NLGN4X: variants seen among roughly 807,000 people sequenced by gnomAD.
NLGN4X encodes neuroligin 4 X-linked.
A neutral mutation model predicts 40.3 loss-of-function variants in NLGN4X; 3 were observed. The observed-to-expected ratio is 0.07, with a 90% CI of 0.03 to 0.19. The LOEUF (loss-of-function observed/expected upper bound fraction) is 0.19, where lower values mean the gene tolerates loss of function less well. Among genes scored for constraint, NLGN4X ranks in the 10% least tolerant of loss-of-function variants. The pLI is 1.00. For synonymous variants in NLGN4X, 270 were observed against 306.8 expected (o/e 0.88, Z 1.25); for missense variants, 382 against 708.3 (o/e 0.54, Z 5.23).
At chrX:5,962,884 T>C (rs377182109) in intron 3 of NLGN4X, among the ~76,000 whole-genome samples, 20 of 111,570 alleles carry the variant, frequency 1.8e-4, no homozygotes, top group African/African-American at 6.5e-4. Flanking sequence ...ATCTTGGGCT[T>C]CCAGCCTCCA....
intron 2 of NLGN4X, among the ~76,000 whole-genome samples, chrX:6,038,360 G>A (rs1389421877): frequency 1.8e-5 from 2 of 112,411 alleles, no homozygotes; most frequent in Non-Finnish European, 3.8e-5. Flanking sequence ...TACACAACCT[G>A]GACAACTCCT....
At chrX:5,951,294 G>A (rs182511819) in intron 3 of NLGN4X, among the ~76,000 whole-genome samples, 472 of 111,279 alleles carry the variant, frequency 4.2e-3, no homozygotes, top group Middle Eastern at 9.3e-3. Flanking sequence ...AATCCATAGC[G>A]GCCCTTTGAG....
chrX:6,175,655 GAAA>G (rs3045369), intron 1 of NLGN4X, among the ~76,000 whole-genome samples: 33 of 60,998 alleles, frequency 5.4e-4, no homozygotes, highest in African/African-American at 2.0e-3. Context: ...ATCTATTACA[GAAA>G]AAAAAAAAAA....
intron 2 of NLGN4X, among the ~76,000 whole-genome samples, chrX:6,085,486 T>A (rs1191547894): frequency 8.9e-6 from 1 of 111,857 alleles, no homozygotes; most frequent in Admixed American, 9.5e-5. Context: ...ATTCTTCAGA[T>A]TTTTTTGAGT....
intron 3 of NLGN4X, among the ~76,000 whole-genome samples, chrX:5,982,697 A>T (rs1286038637): frequency 9.0e-6 from 1 of 111,550 alleles, no homozygotes; most frequent in African/African-American, 3.3e-5. Context: ...TCTACAAAAA[A>T]TTTTTTAAAA....
chrX:6,078,783 G>A (rs1322643769), intron 2 of NLGN4X, among the ~76,000 whole-genome samples: 1 of 111,645 alleles, frequency 9.0e-6, no homozygotes, highest in Non-Finnish European at 1.9e-5. Context: ...GATGGCAAGT[G>A]ATATGGTCTG....
intron 2 of NLGN4X, among the ~76,000 whole-genome samples, chrX:6,033,199 C>T (rs1025250122): frequency 1.6e-4 from 16 of 102,899 alleles, no homozygotes; most frequent in African/African-American, 4.9e-4. Flanking sequence ...ATGTTACTGA[C>T]ACATTATGGT....
At chrX:6,203,622 G>A (rs1273711002) in intron 1 of NLGN4X, among the ~76,000 whole-genome samples, 7 of 111,773 alleles carry the variant, frequency 6.3e-5, no homozygotes, top group Admixed American at 3.8e-4. Context: ...AATGTCACAC[G>A]TCTAGCCCTA....
At chrX:6,108,908 T>C (rs1416407061) in intron 2 of NLGN4X, among the ~76,000 whole-genome samples, 1 of 111,103 alleles carries the variant, frequency 9.0e-6, no homozygotes, top group Non-Finnish European at 1.9e-5. Context: ...ATCACTGTTT[T>C]AAGCAGCATG....
intron 1 of NLGN4X, among the ~76,000 whole-genome samples, chrX:6,215,046 T>C (rs1288832343): frequency 8.9e-6 from 1 of 112,336 alleles, no homozygotes; most frequent in Non-Finnish European, 1.9e-5. Context: ...CTTTCTCTGC[T>C]AGTCCCTTTC....
intron 1 of NLGN4X, among the ~76,000 whole-genome samples, chrX:6,201,364 C>T (rs1289572213): frequency 9.0e-6 from 1 of 111,530 alleles, no homozygotes; most frequent in East Asian, 2.8e-4. Context: ...AGTATAACAC[C>T]CAGAGGAGTA....
intron 5 of NLGN4X, among the ~76,000 whole-genome samples, chrX:5,901,325 G>T (rs775516394): frequency 8.9e-6 from 1 of 111,823 alleles, no homozygotes; most frequent in Non-Finnish European, 1.9e-5. Context: ...GCCTCATTCC[G>T]CACGGGAAGA....
At chrX:6,044,206 C>A (rs2037253824) in intron 2 of NLGN4X, among the ~76,000 whole-genome samples, 1 of 111,576 alleles carries the variant, frequency 9.0e-6, no homozygotes, top group Admixed American at 9.5e-5. Context: ...CTGCTTGAGT[C>A]CAGGGATTGC....
intron 2 of NLGN4X, among the ~76,000 whole-genome samples, chrX:6,042,730 TACACACACACGTACAC>T (rs2037205120): frequency 2.9e-3 from 58 of 20,109 alleles, no homozygotes; most frequent in Middle Eastern, 0.091. Flanking sequence ...TATATATATA[TACACACACACGTACAC>T]ATATCTATAC....
Position 6,180,008 on chromosome X carries a change from A to G in NLGN4X, c.-305-28237T>C, listed in dbSNP as rs770199557. ...TCAGGGCACCTAATAAACAAGCAAT[A>G]AACTAGTATCAAGGCAGTAAGATCT... On this transcript the variant is annotated intron_variant, in intron 1 of 5. Coordinates refer to ENST00000381095, the MANE Select transcript of NLGN4X (RefSeq NM_181332.3). Among the ~76,000 whole-genome samples, 104 of 111,815 alleles carry G rather than the reference A, an allele frequency of 9.3e-4. 2 individuals carry two copies. Among genetic ancestry groups the G allele is most frequent in the Admixed American group, 4.8e-4 (5 of 10,459 alleles).
intron 2 of NLGN4X, among the ~76,000 whole-genome samples, chrX:6,122,138 A>G (rs2039438486): frequency 8.9e-6 from 1 of 112,419 alleles, no homozygotes; most frequent in African/African-American, 3.2e-5. Flanking sequence ...TTCTTGGTTT[A>G]GAAATTAGAA....
intron 2 of NLGN4X, among the ~76,000 whole-genome samples, chrX:6,140,298 T>C (rs745559930): frequency 7.2e-5 from 8 of 111,488 alleles, no homozygotes; most frequent in Non-Finnish European, 1.5e-4. Flanking sequence ...GATGTCTGGC[T>C]TGAAGGAGAC....
rs188416923 is a variant in NLGN4X at position 6,211,877 on chromosome X, T to C, written c.-306+16664A>G. Among the ~76,000 whole-genome samples, 115 of 112,024 alleles carry C rather than the reference T, an allele frequency of 1.0e-3. 3 individuals carry two copies. The East Asian group carries it at 0.031, about 30-fold the overall frequency. ...ATGATCCAGTTTTACATTTCTTTTT[T>C]CAAAGTTTCTGTATTTCTTTCCCAT... On this transcript the variant is annotated intron_variant, in intron 1 of 5. Coordinates refer to ENST00000381095, the MANE Select transcript of NLGN4X (RefSeq NM_181332.3).
intron 3 of NLGN4X, among the ~76,000 whole-genome samples, chrX:5,969,648 A>G (rs1308173480): frequency 1.8e-5 from 2 of 111,273 alleles, no homozygotes; most frequent in African/African-American, 6.5e-5. Flanking sequence ...TAGAAATACC[A>G]TTTGACCCAG....
Sources: allele counts gnomAD v4.1 joint callset (sites outside exome capture counted in the v4.1 genomes callset), GRCh38; gene constraint gnomAD v4.1.1; transcripts MANE v1.5; gene names NCBI Gene and HGNC (gene_info 2026-07-23, HGNC 2026-07-21).